Variants in CKAP2L observed in about 807,000 individuals in gnomAD.
The protein encoded by CKAP2L is cytoskeleton-associated protein 2-like.
A neutral mutation model predicts 65.7 loss-of-function variants in CKAP2L; 42 were observed. That is an observed-to-expected ratio of 0.64 (90% CI 0.50 to 0.83). CKAP2L has a LOEUF of 0.83. Among genes scored for constraint, CKAP2L ranks in the 40% least tolerant of loss-of-function variants. The pLI, the probability that CKAP2L is intolerant of heterozygous loss-of-function variation, is 0.00. For synonymous variants in CKAP2L, 325 were observed against 313.5 expected, an observed-to-expected ratio of 1.04 and a Z score of -0.39; for missense variants, 908 against 871.0, an observed-to-expected ratio of 1.04 and a Z score of -0.53.
chr2:112,751,863 G>A (rs1680381247), intron 5 of CKAP2L, among the ~76,000 whole-genome samples: 1 of 152,130 alleles, frequency 6.6e-6, no homozygotes, highest in African/African-American at 2.4e-5. Flanking sequence ...AGAGTATTCA[G>A]AATACTCCAA....
At chr2:112,755,000 A>G (rs2104880886) in intron 4 of CKAP2L, among the ~76,000 whole-genome samples, 1 of 152,304 alleles carries the variant, frequency 6.6e-6, no homozygotes, top group Non-Finnish European at 1.5e-5. Context: ...TAAGTTGTTT[A>G]CTTACTGTCT....
chr2:112,755,330 G>T (rs1294566951), intron 4 of CKAP2L, among the ~76,000 whole-genome samples: 6 of 152,158 alleles, frequency 3.9e-5, no homozygotes, highest in Non-Finnish European at 7.4e-5. Context: ...AGTAAAAACA[G>T]GGTTTCTCCA....
intron 4 of CKAP2L, among the ~76,000 whole-genome samples, chr2:112,755,215 T>C (rs1680493504): frequency 6.6e-6 from 1 of 152,254 alleles, no homozygotes; most frequent in South Asian, 2.1e-4. Context: ...CATTTGGTCC[T>C]GGGTAGAAAG....
chr2:112,737,618 T>C lies in CKAP2L; in HGVS notation c.*1205A>G, dbSNP rs1679391912. Reference sequence around the variant, plus strand: ...TAAGAGTCTCTTATTGAAAGTCTGCTGGTATTACAGGTTTATAGCTCAGTT... The same window carrying C: ...TAAGAGTCTCTTATTGAAAGTCTGCCGGTATTACAGGTTTATAGCTCAGTT... On this transcript the variant is annotated 3_prime_UTR_variant, in exon 9 of 9. Coordinates refer to ENST00000302450, the MANE Select transcript of CKAP2L (RefSeq NM_152515.5). The C allele has an allele frequency of 1.3e-5, 2 of 152,188 alleles. No individual in the cohort carries two copies. Among genetic ancestry groups the C allele is most frequent in the Admixed American group, 1.3e-4 (2 of 15,272 alleles). The allele number at this position is 152,188 out of a possible 1,614,324, so 9.4% of individuals were successfully genotyped here. A position where few individuals can be genotyped will look rare whatever the true frequency, so the allele number is the denominator to read the frequency against.
At chr2:112,743,819 A>G (rs1186322822) in intron 6 of CKAP2L, among the ~76,000 whole-genome samples, 1 of 151,518 alleles carries the variant, frequency 6.6e-6, no homozygotes, top group East Asian at 1.9e-4. Context: ...ACATACTTAG[A>G]AAAAAAAACC....
intron 3 of CKAP2L, among the ~76,000 whole-genome samples, chr2:112,757,875 CATACATAATGAACTTATGTTAGG>C (rs1393857842): frequency 6.6e-6 from 1 of 152,190 alleles, no homozygotes; most frequent in Non-Finnish European, 1.5e-5. Context: ...TGAAAAAATA[CATACATAATGAACTTATGTTAGG>C]GTACCTCCCA....
chr2:112,745,238 C>T (rs527778570), intron 6 of CKAP2L, among the ~76,000 whole-genome samples: 1 of 151,996 alleles, frequency 6.6e-6, no homozygotes, highest in Non-Finnish European at 1.5e-5. Context: ...AGACAATTAG[C>T]GAAGAGTTTG....
chr2:112,760,406 T>C (rs186722684), intron 3 of CKAP2L, among the ~76,000 whole-genome samples: 10 of 152,302 alleles, frequency 6.6e-5, no homozygotes, highest in East Asian at 1.9e-4. Flanking sequence ...CCTCATAAGA[T>C]TGTGAGGACT....
Position 112,756,283 on chromosome 2 carries a change from G to C in CKAP2L, c.1088C>G (p.Pro363Arg). Residue 363 changes from proline (P) to arginine (R), a missense_variant, in exon 4 of 9, where the codon CCT becomes CGT. Physicochemically the swap from Pro to Arg is moderately radical, Grantham distance 103. Transcript: ENST00000302450. Reference sequence around the variant, plus strand: ...CTTTTGCAGTACACATGATGTCTGAGGTATACAAACTTGGCTGGACTTCTG... The same window carrying C: ...CTTTTGCAGTACACATGATGTCTGACGTATACAAACTTGGCTGGACTTCTG... ...QDQKSSQVCI[P>R]QTSCVLQKSK... 6.2e-7 allele frequency: 1 copy of C among 1,614,094 alleles called. No homozygotes were observed. The highest frequency in any genetic ancestry group is 8.5e-7 in the Non-Finnish European group (1 of 1,179,990).
chr2:112,740,607 G>A (rs1316622236), intron 8 of CKAP2L, among the ~76,000 whole-genome samples: 1 of 152,162 alleles, frequency 6.6e-6, no homozygotes, highest in African/African-American at 2.4e-5. Context: ...AGGAAAGGCA[G>A]ATAGGATCTG....
chr2:112,743,257 C>T (rs1209843650), intron 6 of CKAP2L, among the ~76,000 whole-genome samples: 1 of 152,152 alleles, frequency 6.6e-6, no homozygotes, highest in Non-Finnish European at 1.5e-5. Context: ...ATTCTCCTGC[C>T]TCAGCCTCCC....
intron 3 of CKAP2L, among the ~76,000 whole-genome samples, chr2:112,760,429 G>A (rs546982619): frequency 2.6e-5 from 4 of 152,284 alleles, no homozygotes; most frequent in African/African-American, 9.6e-5. Flanking sequence ...GTGAGGTAAT[G>A]CAAGTCAGAA....
chr2:112,753,517 GTTTCT>G (rs1553441709), intron 4 of CKAP2L, among the ~76,000 whole-genome samples: 24 of 124,684 alleles, frequency 1.9e-4, no homozygotes, highest in African/African-American at 7.3e-4. Flanking sequence ...TATCCTTAAA[GTTTCT>G]TTTCTTTTTT....
intron 3 of CKAP2L, among the ~76,000 whole-genome samples, chr2:112,759,915 TATATGC>T (rs557093936): frequency 2.5e-4 from 37 of 150,068 alleles, no homozygotes; most frequent in African/African-American, 9.1e-4. Flanking sequence ...TATATGTCTA[TATATGC>T]ATATGCATAT....
In CKAP2L at chr2:112,756,834, A is replaced by G. The variant is rs566644127; in HGVS notation, c.537T>C (p.Phe179=). Residue 179 remains phenylalanine, a synonymous_variant, in exon 4 of 9, where the codon TTT becomes TTC. Transcript: ENST00000302450. ...IHVENESLDN[F]LKETNKENLL... ...AGTTCTCTTTGTTTGTTTCTTTTAG[A>G]AAGTTATCCAAAGATTCGTTTTCAA... The G allele has an allele frequency of 2.6e-4, 424 of 1,601,266 alleles. 6 individuals carry two copies. The South Asian group carries it at 4.5e-3, about 17-fold the overall frequency.
chr2:112,760,549 C>G (rs1049689247), intron 3 of CKAP2L, among the ~76,000 whole-genome samples, 164 bp downstream of exon 3: 4 of 152,156 alleles, frequency 2.6e-5, no homozygotes, highest in African/African-American at 9.6e-5. Flanking sequence ...CAAAAAATGT[C>G]ATACTTTTCA....
intron 5 of CKAP2L, among the ~76,000 whole-genome samples, chr2:112,748,867 A>T (rs1574328841): frequency 7.5e-6 from 1 of 132,764 alleles, no homozygotes; most frequent in African/African-American, 3.3e-5. Context: ...CCTGTCTCTT[A>T]AAAAAAAAAA....
chr2:112,759,517 C>T (rs1680651926), intron 3 of CKAP2L, among the ~76,000 whole-genome samples: 1 of 152,066 alleles, frequency 6.6e-6, no homozygotes, highest in Non-Finnish European at 1.5e-5. Context: ...TCCTCATTTA[C>T]GAGCTGATGT....
intron 7 of CKAP2L, among the ~76,000 whole-genome samples, chr2:112,742,018 G>C (rs921350932): frequency 1.9e-4 from 26 of 137,224 alleles, no homozygotes; most frequent in Non-Finnish European, 3.5e-4. Context: ...TCAAACTCCT[G>C]ACCTCAGGTG....
Sources: allele counts gnomAD v4.1 joint callset (sites outside exome capture counted in the v4.1 genomes callset), GRCh38; gene constraint gnomAD v4.1.1; transcripts MANE v1.5; gene names NCBI Gene and HGNC (gene_info 2026-07-23, HGNC 2026-07-21).